EPHA6: variants seen among roughly 807,000 people sequenced by gnomAD.
EPHA6 encodes ephrin type-A receptor 6.
Under a neutral mutation model 112.0 loss-of-function variants are expected in EPHA6, and 50 were observed. The ratio of observed to expected loss-of-function variants is 0.45; its 90% CI spans 0.36 to 0.56. The LOEUF is 0.56. EPHA6 is among the 20% of genes least tolerant of loss of function. EPHA6 has a pLI of 0.00. For missense variants in EPHA6, 1,280 were observed against 1,417.4 expected (o/e 0.90, Z 1.56); for synonymous variants, 529 against 490.7 (o/e 1.08, Z -1.03).
intron 14 of EPHA6, among the ~76,000 whole-genome samples, chr3:97,660,152 T>G (rs550229685): frequency 6.6e-6 from 1 of 152,104 alleles, no homozygotes; most frequent in Non-Finnish European, 1.5e-5. Context: ...GAAAGAGGAT[T>G]GTAACAACCA....
At chr3:97,552,941 A>C (rs2093049487) in intron 11 of EPHA6, among the ~76,000 whole-genome samples, 1 of 152,128 alleles carries the variant, frequency 6.6e-6, no homozygotes. Context: ...AATTACATGA[A>C]CTGATTAGAG....
intron 3 of EPHA6, among the ~76,000 whole-genome samples, chr3:97,205,586 T>C (rs193152666): frequency 1.6e-4 from 25 of 152,192 alleles, no homozygotes; most frequent in Admixed American, 1.4e-3. Context: ...TGACTTTTCA[T>C]ATGCACAGGT....
chr3:97,009,574 C>T (rs754999827), intron 3 of EPHA6, among the ~76,000 whole-genome samples: 21 of 152,224 alleles, frequency 1.4e-4, no homozygotes, highest in Non-Finnish European at 2.5e-4. Flanking sequence ...TGCTTCCTCT[C>T]TGCCAAAGAG....
intron 6 of EPHA6, among the ~76,000 whole-genome samples, chr3:97,414,392 CT>C (rs1288047105): frequency 6.6e-6 from 1 of 151,892 alleles, no homozygotes; most frequent in Non-Finnish European, 1.5e-5. Context: ...TAGAAAATGC[CT>C]TACTTTCTTA....
intron 5 of EPHA6, among the ~76,000 whole-genome samples, chr3:97,355,583 C>A (rs1362938387): frequency 6.6e-6 from 1 of 151,960 alleles, no homozygotes; most frequent in Non-Finnish European, 1.5e-5. Context: ...AAATCACCTT[C>A]ACAAAAAGGA....
At chr3:97,054,551 T>C (rs912142726) in intron 3 of EPHA6, among the ~76,000 whole-genome samples, 7 of 152,188 alleles carry the variant, frequency 4.6e-5, no homozygotes, top group African/African-American at 1.7e-4. Context: ...CACTAAACTG[T>C]GTAACTGCTT....
At chr3:96,984,876 G>A (rs1362452049) in intron 2 of EPHA6, among the ~76,000 whole-genome samples, 1 of 152,182 alleles carries the variant, frequency 6.6e-6, no homozygotes, top group African/African-American at 2.4e-5. Context: ...CTCCTGGTGT[G>A]CCATTTGCTA....
At chr3:97,412,120 C>G (rs931234130) in intron 6 of EPHA6, among the ~76,000 whole-genome samples, 4 of 151,934 alleles carry the variant, frequency 2.6e-5, no homozygotes, top group Non-Finnish European at 4.4e-5. Flanking sequence ...CCATCAATAT[C>G]TAAATTTATA....
At chr3:97,497,341 C>T (rs2092007396) in intron 10 of EPHA6, among the ~76,000 whole-genome samples, 1 of 152,176 alleles carries the variant, frequency 6.6e-6, no homozygotes, top group Admixed American at 6.6e-5. Flanking sequence ...GGTATTCTGT[C>T]TAACTAGGAA....
chr3:97,500,917 A>G (rs907933858), intron 10 of EPHA6, among the ~76,000 whole-genome samples: 4 of 152,130 alleles, frequency 2.6e-5, no homozygotes, highest in Non-Finnish European at 4.4e-5. Context: ...CATAAGTAAA[A>G]GTATACAACA....
intron 14 of EPHA6, chr3:97,648,209 C>A (rs1223314411): frequency 1.5e-6 from 1 of 649,700 alleles, no homozygotes; most frequent in Non-Finnish European, 2.7e-6. Flanking sequence ...AAATACAGAG[C>A]CTCATTATTG....
intron 3 of EPHA6, among the ~76,000 whole-genome samples, chr3:97,146,853 G>A (rs999417906): frequency 6.6e-6 from 1 of 150,790 alleles, no homozygotes; most frequent in Non-Finnish European, 1.5e-5. Flanking sequence ...TCTCTAAAAT[G>A]CAAAGATGTT....
At chr3:97,123,873 C>T (rs973002300) in intron 3 of EPHA6, among the ~76,000 whole-genome samples, 8 of 151,812 alleles carry the variant, frequency 5.3e-5, no homozygotes, top group African/African-American at 1.7e-4. Context: ...AGTTGTTAAA[C>T]GTTTAGCTGC....
chr3:97,713,719 C>T (rs567835410), intron 14 of EPHA6, among the ~76,000 whole-genome samples: 1 of 152,136 alleles, frequency 6.6e-6, no homozygotes, highest in African/African-American at 2.4e-5. Flanking sequence ...TCATAGCTTA[C>T]CTAGTGTGCC....
chr3:97,455,319 G>T (rs1301529138), intron 7 of EPHA6, among the ~76,000 whole-genome samples: 2 of 151,948 alleles, frequency 1.3e-5, no homozygotes, highest in Non-Finnish European at 2.9e-5. Context: ...TATAGCCTTT[G>T]CAGAAGATAC....
chr3:97,187,211 T>C (rs976737299), intron 3 of EPHA6, among the ~76,000 whole-genome samples: 2 of 152,222 alleles, frequency 1.3e-5, no homozygotes, highest in East Asian at 3.9e-4. Context: ...TTTTCTGAAA[T>C]GTGTTTTTCT....
At chr3:97,747,817 T>C (rs1019996476) in intron 17 of EPHA6, among the ~76,000 whole-genome samples, 9 of 152,100 alleles carry the variant, frequency 5.9e-5, no homozygotes, top group Non-Finnish European at 1.2e-4. Context: ...CATGTTACTC[T>C]CATCCAAATC....
intron 14 of EPHA6, among the ~76,000 whole-genome samples, chr3:97,675,273 G>A (rs1025411951): frequency 5.9e-5 from 9 of 152,124 alleles, no homozygotes; most frequent in Non-Finnish European, 8.8e-5. Context: ...AAGGTCAGGA[G>A]CTCAAAACCA....
Position 97,453,427 on chromosome 3 carries a change from G to A in EPHA6, c.1894+4697G>A, listed in dbSNP as rs531467335. Among the ~76,000 whole-genome samples the A allele has an allele frequency of 1.1e-4, 16 of 151,604 alleles. No homozygotes were observed. The South Asian group carries it at 2.9e-3, about 28-fold the overall frequency. On this transcript the variant is annotated intron_variant, in intron 7 of 17. Transcript: ENST00000389672. Reference sequence around the variant, plus strand: ...ATTACAGCTTACATTTTAACAACACGTAAATTTAAGTTTTCACCTGTAGGC... The same window carrying A: ...ATTACAGCTTACATTTTAACAACACATAAATTTAAGTTTTCACCTGTAGGC...
Sources: allele counts gnomAD v4.1 joint callset (sites outside exome capture counted in the v4.1 genomes callset), GRCh38; gene constraint gnomAD v4.1.1; transcripts MANE v1.5; gene names NCBI Gene and HGNC (gene_info 2026-07-23, HGNC 2026-07-21).